Variants in FMO2 observed in about 807,000 individuals in gnomAD.
The protein encoded by FMO2 is flavin containing dimethylaniline monoxygenase 2, also known as flavin-containing monooxygenase 2.
Under a neutral mutation model 41.6 loss-of-function variants are expected in FMO2, and 33 were observed. The ratio of observed to expected loss-of-function variants is 0.79; its 90% CI spans 0.60 to 1.06. FMO2 has a LOEUF of 1.06. FMO2 is among the 50% of genes least tolerant of loss of function. The pLI is 0.00. For synonymous variants in FMO2, 214 were observed against 219.6 expected, an observed-to-expected ratio of 0.97 and a Z score of 0.23; for missense variants, 619 against 632.9, an observed-to-expected ratio of 0.98 and a Z score of 0.23.
chr1:171,212,555 A>G lies in FMO2; in HGVS notation c.*3410A>G, dbSNP rs1659023976. On this transcript the variant is annotated 3_prime_UTR_variant, in exon 9 of 9. Coordinates refer to ENST00000209929, the MANE Select transcript of FMO2 (RefSeq NM_001460.5). Reference sequence around the variant, plus strand: ...TAGTTTCTTAATTTTTTCTATCAAAAGCTAAATATGGCACACTTGTTCTTT... The same window carrying G: ...TAGTTTCTTAATTTTTTCTATCAAAGGCTAAATATGGCACACTTGTTCTTT... Among the ~76,000 whole-genome samples, 1 of 152,218 alleles carries G rather than the reference A, an allele frequency of 6.6e-6. No homozygotes were observed. Among genetic ancestry groups the G allele is most frequent in the South Asian group, 2.1e-4 (1 of 4,836 alleles).
chr1:171,197,221 A>G (rs1658342050), intron 4 of FMO2, among the ~76,000 whole-genome samples: 1 of 152,150 alleles, frequency 6.6e-6, no homozygotes. Context: ...AGTGATGGGG[A>G]GAGAAGTGCA....
chr1:171,193,786 T>G (rs1035359031), intron 3 of FMO2, among the ~76,000 whole-genome samples: 1 of 127,808 alleles, frequency 7.8e-6, no homozygotes, highest in African/African-American at 3.1e-5. Flanking sequence ...CTTTTTTTTT[T>G]TTTTTCTCCC....
chr1:171,209,486 TG>T lies in FMO2; in HGVS notation c.*343del, dbSNP rs28369915. On this transcript the variant is annotated 3_prime_UTR_variant, in exon 9 of 9. Transcript: ENST00000209929. ...ATTACACAGCATGAAAAGCAGCCCA[TG>T]GTTTAAATTATTGGACAATTTAAAT... 0.012 allele frequency: 2,308 copies of T among 187,220 alleles called. 156 individuals are homozygous for T. Among genetic ancestry groups the T allele is most frequent in the Admixed American group, 0.1 (1,637 of 16,204 alleles). The allele number at this position is 187,220 out of a possible 1,614,324, so 11.6% of individuals were successfully genotyped here. A position where few individuals can be genotyped will look rare whatever the true frequency, so the allele number is the denominator to read the frequency against.
At chr1:171,198,281 G>A (rs1274681651) in intron 4 of FMO2, among the ~76,000 whole-genome samples, 1 of 151,980 alleles carries the variant, frequency 6.6e-6, no homozygotes, top group African/African-American at 2.4e-5. Flanking sequence ...CTATGTGCCT[G>A]GTTTTTAGTT....
rs990707607 is a variant in FMO2, at chr1:171,212,344, G to C, written c.*3199G>C. Among the ~76,000 whole-genome samples, 1 of 152,138 alleles carries C rather than the reference G, an allele frequency of 6.6e-6. No homozygotes were observed. The highest frequency in any genetic ancestry group is 6.5e-5 in the Admixed American group (1 of 15,284). On this transcript the variant is annotated 3_prime_UTR_variant, in exon 9 of 9. Coordinates refer to ENST00000209929, the MANE Select transcript of FMO2 (RefSeq NM_001460.5). ...GCAAGAAGGCCCTCATCAGATGCTG[G>C]CCCCTTGGTCTTGAATTTCCTAGCC...
intron 3 of FMO2, 141 bp from the exon 4 acceptor site, chr1:171,196,508 T>G: frequency 1.6e-6 from 1 of 612,420 alleles, no homozygotes; most frequent in Non-Finnish European, 2.8e-6. Context: ...TCTCAAGTCC[T>G]TATTCAGTAT....
At chr1:171,194,644 C>T (rs1188651040) in intron 3 of FMO2, among the ~76,000 whole-genome samples, 1 of 152,076 alleles carries the variant, frequency 6.6e-6, no homozygotes, top group Non-Finnish European at 1.5e-5. Flanking sequence ...ACCTGTGGTC[C>T]CAGCTATTCT....
chr1:171,188,945 T>C (rs1396137572), intron 2 of FMO2: 1 of 152,216 alleles, frequency 6.6e-6, no homozygotes, highest in Non-Finnish European at 1.5e-5. Context: ...CATCACCTTC[T>C]TTTCTTCGCA....
intron 2 of FMO2, among the ~76,000 whole-genome samples, chr1:171,187,613 G>T: frequency 8.8e-6 from 1 of 113,660 alleles, no homozygotes; most frequent in African/African-American, 3.5e-5. Flanking sequence ...GATTCCTTTG[G>T]TTAAACCTGC....
At chr1:171,196,834 G>C (rs758478086) in intron 4 of FMO2, 23 bp downstream of exon 4, 6 of 1,606,250 alleles carry the variant, frequency 3.7e-6, no homozygotes, top group Non-Finnish European at 5.1e-6. Flanking sequence ...GGGATTCCCA[G>C]CTTTTTGGAG....
intron 5 of FMO2, 68 bp from the exon 6 acceptor site, chr1:171,203,797 C>T (rs940764306): frequency 1.5e-5 from 20 of 1,366,622 alleles, no homozygotes; most frequent in Non-Finnish European, 1.2e-5. Flanking sequence ...GATACATGAC[C>T]TTCATAGTAG....
At chr1:171,193,205 C>T (rs915737630) in intron 2 of FMO2, 130 bp from the exon 3 acceptor site, 1 of 632,662 alleles carries the variant, frequency 1.6e-6, no homozygotes, top group Non-Finnish European at 2.8e-6. Context: ...GCATTCATTA[C>T]CTAAACATTG....
intron 8 of FMO2, among the ~76,000 whole-genome samples, chr1:171,208,255 A>T (rs1402213591): frequency 1.3e-5 from 2 of 152,196 alleles, no homozygotes; most frequent in Non-Finnish European, 2.9e-5. Context: ...GTGATGAGGT[A>T]AAATGAGGTT....
In FMO2 at chr1:171,196,816, G is replaced by A. The variant is rs1658329458; in HGVS notation, c.484+5G>A. On this transcript the variant is annotated splice_donor_5th_base_variant and intron_variant, in intron 4 of 8. Transcript: ENST00000209929. ...TCCCACTGAAGTCATTTCCAGGTGA[G>A]ACCCGCTGGGATTCCCAGCTTTTTG... 1 of 1,610,152 alleles carries A rather than the reference G, an allele frequency of 6.2e-7. No homozygotes were observed. The highest frequency in any genetic ancestry group is 1.1e-5 in the South Asian group (1 of 90,428).
In FMO2 at chr1:171,208,998, C is replaced by A. The variant is rs755791366; in HGVS notation, c.1461C>A (p.Ala487=). Residue 487 remains alanine, a synonymous_variant, in exon 9 of 9, where the codon GCC becomes GCA. Coordinates refer to ENST00000209929, the MANE Select transcript of FMO2 (RefSeq NM_001460.5). Reference sequence around the variant, plus strand: ...GGCAATGGGAAGGAGCCAGAAATGCCATCTTCACCCAGAAACAAAGAATAC... The same window carrying A: ...GGCAATGGGAAGGAGCCAGAAATGCAATCTTCACCCAGAAACAAAGAATAC... The part of the protein sequence containing the change: ...GPGQWEGARN[A]IFTQKQRILK... 25 of 1,567,730 alleles carry A rather than the reference C, an allele frequency of 1.6e-5. No homozygotes were observed. The Admixed American group carries it at 2.1e-4, about 13-fold the overall frequency.
At position 171,209,086 on chromosome 1, in the gene FMO2, A is replaced by G. The variant is rs1320822732; in HGVS notation, c.1549A>G (p.Lys517Glu). Residue 517 changes from lysine (K) to glutamate (E), a missense_variant, in exon 9 of 9, where the codon AAA (lysine) becomes GAA (glutamate). By Grantham distance (56) the Lys-to-Glu change is moderately conservative. Transcript: ENST00000209929. ...SSNFSVSFLL[K>E]ILGLLAVVVA... ...TAATTTCTCAGTTTCTTTTCTGTTG[A>G]AAATCCTGGGCCTTCTTGCTGTTGT... 1.0e-6 allele frequency: 1 copy of G among 974,988 alleles called. No individual in the cohort carries two copies. The highest frequency in any genetic ancestry group is 2.4e-5 in the Admixed American group (1 of 40,862). The allele number at this position is 974,988 out of a possible 1,614,324, so 60.4% of individuals were successfully genotyped here.
chr1:171,208,079 A>T (rs558012920), intron 8 of FMO2, among the ~76,000 whole-genome samples: 1 of 152,302 alleles, frequency 6.6e-6, no homozygotes, highest in Non-Finnish European at 1.5e-5. Flanking sequence ...TATGATGCCT[A>T]TGTCAGATTC....
intron 2 of FMO2, among the ~76,000 whole-genome samples, chr1:171,192,765 CAAAAAAAAAA>C (rs71561558): frequency 9.0e-6 from 1 of 111,550 alleles, no homozygotes; most frequent in South Asian, 2.8e-4. Context: ...GACTCTGTCT[CAAAAAAAAAA>C]AAAAAAAAAA....
chr1:171,208,515 T>C (rs2102018148), intron 8 of FMO2, among the ~76,000 whole-genome samples: 2 of 152,302 alleles, frequency 1.3e-5, no homozygotes, highest in Admixed American at 1.3e-4. Context: ...TGTACTTGCC[T>C]GGAGATTTGC....
Sources: allele counts gnomAD v4.1 joint callset (sites outside exome capture counted in the v4.1 genomes callset), GRCh38; gene constraint gnomAD v4.1.1; transcripts MANE v1.5; gene names NCBI Gene and HGNC (gene_info 2026-07-23, HGNC 2026-07-21).